The following TMEM132D variants were observed in gnomAD, a reference collection of about 807,000 sequenced individuals.
TMEM132D encodes the protein mature OL transmembrane protein.
In TMEM132D, 21 loss-of-function variants were observed where a neutral mutation model predicts 62.3. That is an observed-to-expected ratio of 0.34 (90% CI 0.24 to 0.49). TMEM132D has a LOEUF of 0.49. Among genes scored for constraint, TMEM132D ranks in the 20% least tolerant of loss-of-function variants. The pLI is 0.99. For synonymous variants in TMEM132D, 621 were observed against 575.6 expected, an observed-to-expected ratio of 1.08 and a Z score of -1.13; for missense variants, 1,346 against 1,402.8, an observed-to-expected ratio of 0.96 and a Z score of 0.65.
chr12:129,490,534 T>G (rs1874746046), intron 3 of TMEM132D, among the ~76,000 whole-genome samples: 1 of 145,820 alleles, frequency 6.9e-6, no homozygotes, highest in African/African-American at 2.6e-5. Context: ...GTTCACGCCA[T>G]TCTCCTGCCT....
intron 3 of TMEM132D, among the ~76,000 whole-genome samples, chr12:129,360,117 C>T (rs1870199842): frequency 6.6e-6 from 1 of 152,132 alleles, no homozygotes; most frequent in Non-Finnish European, 1.5e-5. Flanking sequence ...AACCACTGCA[C>T]ATGCTGCAGG....
At chr12:129,560,310 C>T (rs1877182304) in intron 2 of TMEM132D, among the ~76,000 whole-genome samples, 1 of 150,286 alleles carries the variant, frequency 6.7e-6, no homozygotes, top group South Asian at 2.1e-4. Flanking sequence ...CACTCTGTCA[C>T]CCAGGCTGGA....
intron 5 of TMEM132D, among the ~76,000 whole-genome samples, chr12:129,119,908 A>C (rs1189930665): frequency 1.3e-5 from 2 of 152,118 alleles, no homozygotes. Context: ...GCAGGAGGGG[A>C]AGGAGACAGT....
chr12:129,082,181 A>G, intron 6 of TMEM132D, 149 bp from the exon 7 acceptor site: 2 of 967,550 alleles, frequency 2.1e-6, no homozygotes, highest in Non-Finnish European at 3.0e-6. Flanking sequence ...AACTTCAGAT[A>G]CTAACCACTG....
intron 1 of TMEM132D, among the ~76,000 whole-genome samples, chr12:129,785,167 G>A (rs377694813): frequency 8.5e-5 from 13 of 152,226 alleles, no homozygotes; most frequent in East Asian, 1.9e-4. Flanking sequence ...GTGTGTAGGC[G>A]CCGTCCTAGG....
intron 1 of TMEM132D, among the ~76,000 whole-genome samples, chr12:129,785,883 A>G (rs142819000): frequency 1.0e-4 from 15 of 149,110 alleles, no homozygotes; most frequent in African/African-American, 3.2e-4. Context: ...AAGTGCCACC[A>G]TGAACATCAG....
intron 3 of TMEM132D, among the ~76,000 whole-genome samples, chr12:129,354,590 G>C (rs1369182252): frequency 1.3e-5 from 2 of 152,102 alleles, no homozygotes; most frequent in Non-Finnish European, 2.9e-5. Flanking sequence ...CCAAAGTGCT[G>C]GGATTACAGG....
intron 3 of TMEM132D, among the ~76,000 whole-genome samples, chr12:129,473,265 G>C (rs1027908452): frequency 3.3e-5 from 5 of 150,056 alleles, no homozygotes; most frequent in African/African-American, 9.8e-5. Flanking sequence ...ATAGCAAAAC[G>C]ATTAGGACCC....
chr12:129,749,802 A>G (rs144447698), intron 1 of TMEM132D, among the ~76,000 whole-genome samples: 6 of 152,210 alleles, frequency 3.9e-5, no homozygotes, highest in African/African-American at 1.4e-4. Context: ...TTCCTTCAAG[A>G]AAGACACAGA....
intron 2 of TMEM132D, among the ~76,000 whole-genome samples, chr12:129,560,394 G>T (rs1009899316): frequency 1.3e-5 from 2 of 151,504 alleles, no homozygotes; most frequent in Non-Finnish European, 2.9e-5. Context: ...AGCCTCCCGA[G>T]TAGCTGGGAT....
At chr12:129,136,315 G>C (rs564979236) in intron 5 of TMEM132D, among the ~76,000 whole-genome samples, 1 of 152,286 alleles carries the variant, frequency 6.6e-6, no homozygotes, top group South Asian at 2.1e-4. Flanking sequence ...TCCAATCTGA[G>C]ATTGCCCAAG....
At chr12:129,748,413 C>T (rs1229935300) in intron 1 of TMEM132D, among the ~76,000 whole-genome samples, 6 of 152,096 alleles carry the variant, frequency 3.9e-5, no homozygotes, top group African/African-American at 1.4e-4. Flanking sequence ...TTTGAGGACA[C>T]ACCAGACAGG....
intron 4 of TMEM132D, among the ~76,000 whole-genome samples, chr12:129,266,470 C>T (rs1330082041): frequency 6.6e-6 from 1 of 151,136 alleles, no homozygotes; most frequent in East Asian, 2.0e-4. Flanking sequence ...ACTTCCCCTC[C>T]TCTTCGCTCC....
intron 4 of TMEM132D, among the ~76,000 whole-genome samples, chr12:129,330,748 C>A (rs1280799634): frequency 6.6e-6 from 1 of 152,204 alleles, no homozygotes; most frequent in East Asian, 1.9e-4. Flanking sequence ...GACTTCTCAG[C>A]CTCCATAACT....
intron 1 of TMEM132D, among the ~76,000 whole-genome samples, chr12:129,893,555 C>T (rs1407104096): frequency 1.3e-5 from 2 of 152,030 alleles, no homozygotes; most frequent in Non-Finnish European, 2.9e-5. Flanking sequence ...CATCGCTTTT[C>T]CAAGTCAAAC....
At chr12:129,652,043 C>T (rs180792584) in intron 2 of TMEM132D, among the ~76,000 whole-genome samples, 26 of 152,236 alleles carry the variant, frequency 1.7e-4, no homozygotes, top group African/African-American at 5.8e-4. Context: ...AGAACTAAAG[C>T]GAGGACCTGC....
In TMEM132D at chr12:129,071,882, T is replaced by C. The variant is rs192134442; in HGVS notation, c.*1993A>G. On this transcript the variant is annotated 3_prime_UTR_variant, in exon 9 of 9. Transcript: ENST00000422113. ...TGACACAGGTAAGAATGGAAAGAAA[T>C]ATGAGGACGTTACTGAAAGCAAAGG... is the stretch of plus-strand genomic sequence containing the variant. The C allele has an allele frequency of 6.6e-6, 1 of 152,234 alleles. No individual in the cohort carries two copies. Among genetic ancestry groups the C allele is most frequent in the East Asian group, 1.9e-4 (1 of 5,190 alleles). 9.4% of individuals were successfully genotyped at this position (152,234 alleles called of 1,614,324 possible).
chr12:129,580,426 C>A lies in TMEM132D; in HGVS notation c.969-49221G>T, dbSNP rs370431073. Among the ~76,000 whole-genome samples the A allele has an allele frequency of 2.1e-3, 318 of 152,320 alleles. 3 individuals are homozygous for A. The highest frequency in any genetic ancestry group is 7.3e-3 in the African/African-American group (303 of 41,572). ...TTGTGTTATTAAAGAAAGTTCCCCA[C>A]ATAAAATGTTGGAGGAAGGTTTGGT... On this transcript the variant is annotated intron_variant, in intron 2 of 8. Coordinates refer to ENST00000422113, the MANE Select transcript of TMEM132D (RefSeq NM_133448.3).
intron 2 of TMEM132D, among the ~76,000 whole-genome samples, chr12:129,571,705 T>A (rs942888099): frequency 1.3e-5 from 2 of 152,188 alleles, no homozygotes; most frequent in Non-Finnish European, 2.9e-5. Context: ...CCAAAGTGTG[T>A]CTTTCTGAAT....
Sources: gnomAD v4.1 joint callset for allele counts (sites outside exome capture counted in the v4.1 genomes callset) on GRCh38, gnomAD v4.1.1 for gene constraint, MANE v1.5 for transcripts, NCBI Gene and HGNC (gene_info 2026-07-23, HGNC 2026-07-21) for gene names.